PCDHA10: variants seen among roughly 807,000 people sequenced by gnomAD.
PCDHA10 encodes protocadherin alpha-10.
In PCDHA10, 45 loss-of-function variants were observed where a neutral mutation model predicts 61.2. The observed-to-expected ratio is 0.74, with a 90% CI of 0.58 to 0.94. The LOEUF is 0.94. Among genes scored for constraint, PCDHA10 ranks in the 40% least tolerant of loss-of-function variants. The pLI is 0.00. For missense variants in PCDHA10, 1,278 were observed against 1,236.2 expected (o/e 1.03, Z -0.51); for synonymous variants, 602 against 548.8 (o/e 1.10, Z -1.35).
chr5:140,905,342 TGTAA>T (rs2071759657), intron 1 of PCDHA10, among the ~76,000 whole-genome samples: 1 of 152,234 alleles, frequency 6.6e-6, no homozygotes, highest in Non-Finnish European at 1.5e-5. Context: ...ATCAGTTGGC[TGTAA>T]GTATTTGACT....
At chr5:140,884,810 G>A in intron 1 of PCDHA10, 1 of 1,150,538 alleles carries the variant, frequency 8.7e-7, no homozygotes, top group Non-Finnish European at 1.2e-6. Context: ...CAACTCTGCT[G>A]TGGACATTAT....
chr5:140,900,651 A>G (rs1386674800), intron 1 of PCDHA10, among the ~76,000 whole-genome samples: 3 of 152,232 alleles, frequency 2.0e-5, no homozygotes, highest in African/African-American at 7.2e-5. Flanking sequence ...ACACTGCTGC[A>G]ATGAACAATG....
At chr5:141,001,997 C>G (rs2098052259) in intron 3 of PCDHA10, among the ~76,000 whole-genome samples, 1 of 152,190 alleles carries the variant, frequency 6.6e-6, no homozygotes, top group Admixed American at 6.5e-5. Context: ...AGTTCACTTG[C>G]AAACACAGAA....
intron 1 of PCDHA10, among the ~76,000 whole-genome samples, chr5:140,938,135 A>T (rs926775458): frequency 1.3e-5 from 2 of 152,198 alleles, no homozygotes; most frequent in Non-Finnish European, 2.9e-5. Flanking sequence ...AAATAGAGAT[A>T]GAGTCTCACT....
chr5:140,914,115 G>A (rs1287523867), intron 1 of PCDHA10, among the ~76,000 whole-genome samples: 1 of 152,168 alleles, frequency 6.6e-6, no homozygotes, highest in Non-Finnish European at 1.5e-5. Flanking sequence ...GATTAAGTCT[G>A]ATGTTTCTTT....
At chr5:140,911,591 A>G (rs2075552073) in intron 1 of PCDHA10, among the ~76,000 whole-genome samples, 2 of 152,222 alleles carry the variant, frequency 1.3e-5, no homozygotes, top group Non-Finnish European at 1.5e-5. Context: ...AGGAGGAACC[A>G]ACCAACTTCA....
chr5:140,962,245 T>C (rs2095666561), intron 1 of PCDHA10, among the ~76,000 whole-genome samples: 1 of 152,170 alleles, frequency 6.6e-6, no homozygotes, highest in Non-Finnish European at 1.5e-5. Context: ...ACCATTTTCT[T>C]CAATGAAAAA....
intron 1 of PCDHA10, among the ~76,000 whole-genome samples, chr5:140,908,732 A>G (rs909800763): frequency 6.6e-6 from 1 of 152,200 alleles, no homozygotes; most frequent in African/African-American, 2.4e-5. Flanking sequence ...ATATGGCTCG[A>G]GAAACAGAGC....
chr5:140,994,568 G>T (rs1240135648), intron 3 of PCDHA10, among the ~76,000 whole-genome samples: 1 of 151,992 alleles, frequency 6.6e-6, no homozygotes, highest in Non-Finnish European at 1.5e-5. Context: ...AGCCGGGTGT[G>T]GTGGCATGCA....
At position 140,856,876 on chromosome 5, in the gene PCDHA10, G is replaced by A. The variant is rs1554149244; in HGVS notation, c.828G>A (p.Met276Ile). Residue 276 changes from methionine (M) to isoleucine (I), a missense_variant, in exon 1 of 4, where the codon ATG becomes ATA. Physicochemically the swap from Met to Ile is conservative, Grantham distance 10. Coordinates refer to ENST00000307360, the MANE Select transcript of PCDHA10 (RefSeq NM_018901.4). Reference protein sequence around the residue: ...SDSDEGINKEMMYSFSSLVPP... With the variant: ...SDSDEGINKEIMYSFSSLVPP... ...CGGATGAAGGAATAAACAAGGAAAT[G>A]ATGTATTCATTTAGCTCTTTGGTCC... The A allele has an allele frequency of 6.3e-7, 1 of 1,596,004 alleles. No individual in the cohort carries two copies. Among genetic ancestry groups the A allele is most frequent in the Non-Finnish European group, 8.6e-7 (1 of 1,165,790 alleles).
At chr5:140,955,008 C>T (rs1393836611) in intron 1 of PCDHA10, among the ~76,000 whole-genome samples, 2 of 152,142 alleles carry the variant, frequency 1.3e-5, no homozygotes, top group Non-Finnish European at 2.9e-5. Flanking sequence ...CCAATTCTCC[C>T]AGCACCATTT....
At chr5:140,898,112 G>A (rs1308883558) in intron 1 of PCDHA10, among the ~76,000 whole-genome samples, 1 of 152,046 alleles carries the variant, frequency 6.6e-6, no homozygotes, top group African/African-American at 2.4e-5. Flanking sequence ...TGAGTAGGTT[G>A]CGAAAATTTT....
intron 3 of PCDHA10, among the ~76,000 whole-genome samples, chr5:141,005,559 G>A (rs980622255): frequency 6.6e-6 from 1 of 151,190 alleles, no homozygotes; most frequent in Admixed American, 6.6e-5. Flanking sequence ...AAAATTAGCC[G>A]GGCATGGTGG....
chr5:141,001,567 T>A (rs116015618), intron 3 of PCDHA10, among the ~76,000 whole-genome samples: 2 of 152,294 alleles, frequency 1.3e-5, no homozygotes, highest in African/African-American at 4.8e-5. Context: ...ACGATTCTCC[T>A]GTGTTTTGTG....
chr5:141,004,500 T>C (rs1481568200), intron 3 of PCDHA10, among the ~76,000 whole-genome samples: 1 of 152,242 alleles, frequency 6.6e-6, no homozygotes, highest in Non-Finnish European at 1.5e-5. Context: ...GCAGTCCTGC[T>C]GTGAGGGGCT....
At chr5:140,872,920 T>C (rs2153277088) in intron 1 of PCDHA10, among the ~76,000 whole-genome samples, 1 of 152,356 alleles carries the variant, frequency 6.6e-6, no homozygotes, top group South Asian at 2.1e-4. Flanking sequence ...TAATGCCTTA[T>C]CTCTAATGTT....
chr5:141,005,626 C>T (rs554956978), intron 3 of PCDHA10, among the ~76,000 whole-genome samples: 5 of 136,646 alleles, frequency 3.7e-5, no homozygotes, highest in South Asian at 4.9e-4. Context: ...GGCGTGAACC[C>T]GGGAGGCGGA....
Position 140,856,743 on chromosome 5 carries a change from T to A in PCDHA10, c.695T>A (p.Leu232Ter). ...TCTGTTTCTCTGCTGATCCTGGTGT[T>A]AGATGCCAATGATAACGCCCCTATC... ...TGSVSLLILV[L>*]DANDNAPIFD... Residue 232 changes from leucine (L) to a stop codon, truncating the protein, a stop_gained, in exon 1 of 4, where the codon TTA becomes TAA. Transcript: ENST00000307360. LOFTEE classifies it high-confidence loss of function. 1 of 1,596,776 alleles carries A rather than the reference T, an allele frequency of 6.3e-7. No homozygotes were observed. The highest frequency in any genetic ancestry group is 8.6e-7 in the Non-Finnish European group (1 of 1,166,542).
chr5:140,868,937 C>T (rs2050742656), intron 1 of PCDHA10: 1 of 1,209,168 alleles, frequency 8.3e-7, no homozygotes, highest in East Asian at 2.5e-5. Flanking sequence ...AAAGGTTGGT[C>T]TGAACAGTGA....
Sources: allele counts gnomAD v4.1 joint callset (sites outside exome capture counted in the v4.1 genomes callset), GRCh38; gene constraint gnomAD v4.1.1; transcripts MANE v1.5; gene names NCBI Gene and HGNC (gene_info 2026-07-23, HGNC 2026-07-21).